SLC35D4: variants seen among roughly 807,000 people sequenced by gnomAD.
SLC35D4 encodes UDP-N-acetylglucosamine transporter SLC35D4.
the SLC35D4 span, among the ~76,000 whole-genome samples, chr18:23,392,075 C>T: frequency 2.0e-5 from 3 of 151,836 alleles, no homozygotes; most frequent in Non-Finnish European, 4.4e-5. Context: ...GTAGCTGGAA[C>T]TACAGGCACA....
the SLC35D4 span, among the ~76,000 whole-genome samples, chr18:23,275,937 G>A: frequency 6.6e-6 from 1 of 152,232 alleles, no homozygotes; most frequent in African/African-American, 2.4e-5. Flanking sequence ...ACCAGGGACA[G>A]CGAAGGAAGG....
chr18:23,411,479 G>GAGAT, the SLC35D4 span, among the ~76,000 whole-genome samples: 1 of 72,778 alleles, frequency 1.4e-5, no homozygotes, highest in Non-Finnish European at 2.9e-5. Context: ...AAGAAAGAAA[G>GAGAT]AGATAGAAAG....
At chr18:23,377,460 A>G in the SLC35D4 span, among the ~76,000 whole-genome samples, 2 of 152,242 alleles carry the variant, frequency 1.3e-5, no homozygotes, top group African/African-American at 2.4e-5. Flanking sequence ...TTGGAATAAA[A>G]TATTTCAGAA....
the SLC35D4 span, among the ~76,000 whole-genome samples, chr18:23,379,783 T>C: frequency 2.0e-5 from 3 of 152,146 alleles, no homozygotes; most frequent in Non-Finnish European, 4.4e-5. Flanking sequence ...AAATGGGTTA[T>C]TATAACTCCT....
the SLC35D4 span, among the ~76,000 whole-genome samples, chr18:23,395,791 AG>A: frequency 6.6e-6 from 1 of 152,244 alleles, no homozygotes; most frequent in Non-Finnish European, 1.5e-5. Context: ...CACCCATCAG[AG>A]CCATGATCAC....
At chr18:23,324,783 A>T in the SLC35D4 span, among the ~76,000 whole-genome samples, 21 of 152,206 alleles carry the variant, frequency 1.4e-4, no homozygotes, top group African/African-American at 5.1e-4. Context: ...AGCATGAACG[A>T]GCCCAGCACA....
the SLC35D4 span, among the ~76,000 whole-genome samples, chr18:23,325,262 G>C: frequency 2.0e-5 from 3 of 152,174 alleles, no homozygotes; most frequent in Admixed American, 6.5e-5. Context: ...GAAGGAGTAG[G>C]GGATTTTATT....
At chr18:23,364,116 A>G in the SLC35D4 span, among the ~76,000 whole-genome samples, 1 of 152,216 alleles carries the variant, frequency 6.6e-6, no homozygotes, top group South Asian at 2.1e-4. Flanking sequence ...CAGGTAAAAT[A>G]CCAACTGAAA....
At chr18:23,318,342 C>T in the SLC35D4 span, among the ~76,000 whole-genome samples, 1 of 152,188 alleles carries the variant, frequency 6.6e-6, no homozygotes, top group African/African-American at 2.4e-5. Context: ...AGTCCCATAT[C>T]AGATATATGA....
At chr18:23,310,798 T>A in the SLC35D4 span, among the ~76,000 whole-genome samples, 7 of 152,110 alleles carry the variant, frequency 4.6e-5, no homozygotes, top group Non-Finnish European at 7.4e-5. Context: ...AATACAGAAT[T>A]CTCATGATAG....
the SLC35D4 span, among the ~76,000 whole-genome samples, chr18:23,283,389 G>A: frequency 0.026 from 3,689 of 144,048 alleles, 141 homozygotes; most frequent in African/African-American, 0.089. Flanking sequence ...TGGGAGGATC[G>A]CTTGAGCTGG....
the SLC35D4 span, among the ~76,000 whole-genome samples, chr18:23,292,046 T>A: frequency 6.6e-6 from 1 of 152,220 alleles, no homozygotes; most frequent in Non-Finnish European, 1.5e-5. Context: ...CAATTCCATA[T>A]CCTATTTCAA....
the SLC35D4 span, among the ~76,000 whole-genome samples, chr18:23,323,141 C>T: frequency 1.3e-5 from 2 of 152,220 alleles, no homozygotes; most frequent in African/African-American, 4.8e-5. Context: ...CTAATCTCTG[C>T]AGACTATTTT....
the SLC35D4 span, among the ~76,000 whole-genome samples, chr18:23,272,592 G>C: frequency 6.6e-6 from 1 of 152,126 alleles, no homozygotes; most frequent in Non-Finnish European, 1.5e-5. Context: ...TTGAGGTTTA[G>C]TTGTGAACAA....
the SLC35D4 span, among the ~76,000 whole-genome samples, chr18:23,339,385 T>C: frequency 6.6e-6 from 1 of 152,258 alleles, no homozygotes; most frequent in East Asian, 1.9e-4. Flanking sequence ...GCAAATGCTT[T>C]ATTAAGTAGG....
chr18:23,427,715 C>A, the SLC35D4 span, among the ~76,000 whole-genome samples: 1 of 152,196 alleles, frequency 6.6e-6, no homozygotes, highest in Non-Finnish European at 1.5e-5. Context: ...AAGACACATG[C>A]ACACATATGT....
chr18:23,430,605 A>T, the SLC35D4 span: 2 of 1,575,626 alleles, frequency 1.3e-6, no homozygotes, highest in Non-Finnish European at 1.7e-6. Flanking sequence ...CTAAAAATGT[A>T]TATAAAGAGC....
the SLC35D4 span, among the ~76,000 whole-genome samples, chr18:23,247,186 T>C: frequency 6.6e-6 from 1 of 152,188 alleles, no homozygotes; most frequent in East Asian, 1.9e-4. Flanking sequence ...CTTGGCATGG[T>C]TGGGAGGCCC....
chr18:23,282,446 G>C, the SLC35D4 span, among the ~76,000 whole-genome samples: 1 of 152,208 alleles, frequency 6.6e-6, no homozygotes. Context: ...GGCTCACTGG[G>C]GAGCACGGAA....
Sources: allele counts gnomAD v4.1 joint callset (sites outside exome capture counted in the v4.1 genomes callset), GRCh38; gene constraint gnomAD v4.1.1; transcripts MANE v1.5; gene names NCBI Gene and HGNC (gene_info 2026-07-23, HGNC 2026-07-21).